Variants in SV2C observed in about 807,000 individuals in gnomAD.
The protein encoded by SV2C is synaptic vesicle glycoprotein 2C.
Under a neutral mutation model 79.7 loss-of-function variants are expected in SV2C, and 49 were observed. The ratio of observed to expected loss-of-function variants is 0.61; its 90% confidence interval spans 0.49 to 0.78. The LOEUF (loss-of-function observed/expected upper bound fraction) is 0.78, where lower values mean the gene tolerates loss of function less well. Ranked by LOEUF, SV2C falls within the 30% of genes least tolerant of loss-of-function variation. The probability of loss-of-function intolerance (pLI) is 0.00; values close to 1 mark genes in which losing one functional copy is unlikely to be tolerated. For missense variants in SV2C, 833 were observed against 912.9 expected (o/e 0.91, Z 1.13); for synonymous variants, 334 against 333.2 (o/e 1.00, Z -0.03).
chr5:75,988,213 T>C, the SV2C span, among the ~76,000 whole-genome samples: 1 of 151,992 alleles, frequency 6.6e-6, no homozygotes, highest in African/African-American at 2.4e-5. Context: ...AGAGGCATGT[T>C]TTCATGTCAA....
chr5:76,038,027 T>C, the SV2C span, among the ~76,000 whole-genome samples: 2 of 152,200 alleles, frequency 1.3e-5, no homozygotes, highest in African/African-American at 4.8e-5. Flanking sequence ...TGTCACCACT[T>C]TCTTTGACTA....
At chr5:76,296,913 T>C (rs1223024991) in intron 9 of SV2C, among the ~76,000 whole-genome samples, 1 of 152,216 alleles carries the variant, frequency 6.6e-6, no homozygotes, top group Non-Finnish European at 1.5e-5. Context: ...GAATCTGCAC[T>C]TAGCATTTCA....
chr5:75,980,550 T>A, the SV2C span, among the ~76,000 whole-genome samples: 111 of 152,246 alleles, frequency 7.3e-4, no homozygotes, highest in African/African-American at 2.5e-3. Flanking sequence ...GGATACAAGT[T>A]GGGTTCAACA....
intron 1 of SV2C, among the ~76,000 whole-genome samples, chr5:76,089,135 A>C (rs1324449933): frequency 6.6e-6 from 1 of 152,140 alleles, no homozygotes; most frequent in African/African-American, 2.4e-5. Context: ...TCTAGGTATT[A>C]AGCCCAGAAT....
chr5:76,214,820 C>T (rs1423629795), intron 4 of SV2C, among the ~76,000 whole-genome samples: 1 of 152,028 alleles, frequency 6.6e-6, no homozygotes, highest in Non-Finnish European at 1.5e-5. Flanking sequence ...TTTTCCAATA[C>T]TTCATTATTA....
At position 76,195,165 on chromosome 5, in the gene SV2C, A is replaced by G; in HGVS notation, c.761+66A>G. On this transcript the variant is annotated intron_variant, in intron 3 of 12. Coordinates refer to ENST00000502798, the MANE Select transcript of SV2C (RefSeq NM_014979.4). ...TCTTCATAATTCTCCACTCTAGAGAACCTTATTGGGAGGAAATTATCCCTT... is the reference window on the plus strand; with the variant it reads ...TCTTCATAATTCTCCACTCTAGAGAGCCTTATTGGGAGGAAATTATCCCTT... The G allele has an allele frequency of 2.0e-6, 3 of 1,528,766 alleles. No homozygotes were observed. The East Asian group carries it at 6.8e-5, about 34-fold the overall frequency. 94.7% of individuals were successfully genotyped at this position (1,528,766 alleles called of 1,614,324 possible).
chr5:76,131,514 CAAA>C (rs35999597), intron 1 of SV2C, 133 bp from the exon 2 acceptor site: 2,353 of 155,724 alleles, frequency 0.015, no homozygotes, highest in East Asian at 0.021. Context: ...ACAGTGAGAT[CAAA>C]AAAAAAAAAA....
the SV2C span, among the ~76,000 whole-genome samples, chr5:75,897,196 T>A: frequency 6.6e-6 from 1 of 151,444 alleles, no homozygotes; most frequent in South Asian, 2.1e-4. Flanking sequence ...GTTTTTATGG[T>A]TTTAGGTCTA....
intron 12 of SV2C, among the ~76,000 whole-genome samples, chr5:76,319,428 A>C (rs1748750061): frequency 6.6e-6 from 1 of 152,066 alleles, no homozygotes; most frequent in Admixed American, 6.5e-5. Context: ...AAAAAAAAAG[A>C]AAAAAAGAAA....
chr5:75,850,980 T>C, the SV2C span, among the ~76,000 whole-genome samples: 1 of 152,144 alleles, frequency 6.6e-6, no homozygotes, highest in Non-Finnish European at 1.5e-5. Flanking sequence ...AAAGGCAGAC[T>C]CATAGCTTAT....
intron 2 of SV2C, among the ~76,000 whole-genome samples, chr5:76,146,521 C>G (rs1377746225): frequency 3.3e-5 from 5 of 152,114 alleles, no homozygotes; most frequent in African/African-American, 1.2e-4. Context: ...TGAGGTCACT[C>G]TCGTCACCAT....
intron 4 of SV2C, among the ~76,000 whole-genome samples, chr5:76,239,759 CCTT>C (rs944019037): frequency 1.2e-3 from 183 of 152,154 alleles, no homozygotes; most frequent in African/African-American, 4.2e-3. Flanking sequence ...ATCTGCAATG[CCTT>C]TCCTGACCTA....
chr5:76,294,370 C>T (rs1423047112), intron 8 of SV2C, among the ~76,000 whole-genome samples: 1 of 138,232 alleles, frequency 7.2e-6, no homozygotes, highest in East Asian at 2.2e-4. Context: ...GGCACGATAT[C>T]GGCTCGCTGC....
At chr5:75,851,133 T>C in the SV2C span, among the ~76,000 whole-genome samples, 2 of 152,216 alleles carry the variant, frequency 1.3e-5, no homozygotes, top group Non-Finnish European at 2.9e-5. Context: ...GATGGAGTCA[T>C]TGGCTCCAGC....
chr5:75,978,809 T>A, the SV2C span, among the ~76,000 whole-genome samples: 1 of 152,174 alleles, frequency 6.6e-6, no homozygotes, highest in South Asian at 2.1e-4. Context: ...GAGACTCATG[T>A]CAGGGCTGGG....
chr5:75,967,809 CT>C, the SV2C span, among the ~76,000 whole-genome samples: 1 of 152,210 alleles, frequency 6.6e-6, no homozygotes, highest in African/African-American at 2.4e-5. Flanking sequence ...TGTCTGACAG[CT>C]TTGAAGAGAG....
chr5:76,127,493 A>G (rs1332622733), intron 1 of SV2C, among the ~76,000 whole-genome samples: 1 of 152,208 alleles, frequency 6.6e-6, no homozygotes, highest in Non-Finnish European at 1.5e-5. Context: ...CCGCTTCTAT[A>G]AATGCAGTTT....
At chr5:76,174,182 A>G (rs1179258624) in intron 2 of SV2C, 3 of 1,612,450 alleles carry the variant, frequency 1.9e-6, no homozygotes, top group South Asian at 2.2e-5. Context: ...ATACTCACGC[A>G]TGATGCAAGC....
intron 2 of SV2C, among the ~76,000 whole-genome samples, chr5:76,164,689 C>G (rs1742994711): frequency 6.8e-6 from 1 of 147,984 alleles, no homozygotes; most frequent in Admixed American, 6.8e-5. Context: ...TTTGTCCTTT[C>G]TTGGGATTTG....
Sources: allele counts gnomAD v4.1 joint callset (sites outside exome capture counted in the v4.1 genomes callset), GRCh38; gene constraint gnomAD v4.1.1; transcripts MANE v1.5; gene names NCBI Gene and HGNC (gene_info 2026-07-23, HGNC 2026-07-21).